The following HDAC4 variants were observed in gnomAD, a reference collection of about 807,000 sequenced individuals.
The protein encoded by HDAC4 is histone deacetylase 4, also known as histone deacetylase A.
In HDAC4, 16 loss-of-function variants were observed where a neutral mutation model predicts 135.1. The ratio of observed to expected loss-of-function variants is 0.12; its 90% CI spans 0.08 to 0.18. The LOEUF is 0.18. HDAC4 is among the 10% of genes least tolerant of loss of function. The probability of loss-of-function intolerance (pLI) is 1.00; values close to 1 mark genes in which losing one functional copy is unlikely to be tolerated. For missense variants in HDAC4, 1,143 were observed against 1,511.8 expected, an observed-to-expected ratio of 0.76 and a Z score of 4.05; for synonymous variants, 685 against 653.4, an observed-to-expected ratio of 1.05 and a Z score of -0.74.
intron 12 of HDAC4, among the ~76,000 whole-genome samples, chr2:239,124,844 C>T (rs77012380): frequency 4.1e-4 from 55 of 134,474 alleles, no homozygotes; most frequent in South Asian, 7.4e-4. Context: ...CGTGCGGCCG[C>T]GTTATATGAC....
intron 10 of HDAC4, 27 bp from the exon 11 acceptor site, chr2:239,134,470 G>A (rs375358735): frequency 5.3e-5 from 86 of 1,613,624 alleles, no homozygotes; most frequent in Non-Finnish European, 7.1e-5. Context: ...GGATGCTCGG[G>A]TGGAAGGACC....
At chr2:239,131,702 G>C (rs2040597305) in intron 11 of HDAC4, among the ~76,000 whole-genome samples, 1 of 152,238 alleles carries the variant, frequency 6.6e-6, no homozygotes, top group Non-Finnish European at 1.5e-5. Flanking sequence ...CTGCTCACAA[G>C]CTGGGACTTC....
At chr2:239,233,819 C>T (rs2047735582) in intron 3 of HDAC4, among the ~76,000 whole-genome samples, 1 of 152,228 alleles carries the variant, frequency 6.6e-6, no homozygotes, top group Non-Finnish European at 1.5e-5. Flanking sequence ...CGAGCTCTCA[C>T]AGTGACTGCT....
rs775488590 is a variant in HDAC4, at chr2:239,095,060, TG to T, written c.2234-5del. On this transcript the variant is annotated splice_region_variant and splice_polypyrimidine_tract_variant and intron_variant, in intron 16 of 26. Transcript: ENST00000543185. The stretch of plus-strand genomic sequence containing the variant: ...ACGAACACGGAGGCGAGCGAGCCTG[TG>T]GGGGGGAGGGAGACGGTCAGAGAGG... 6 of 1,613,164 alleles carry T rather than the reference TG, an allele frequency of 3.7e-6. No homozygotes were observed. Among genetic ancestry groups the T allele is most frequent in the Non-Finnish European group, 4.2e-6 (5 of 1,179,644 alleles).
chr2:239,269,004 G>A (rs966875978), intron 2 of HDAC4, among the ~76,000 whole-genome samples: 3 of 152,282 alleles, frequency 2.0e-5, no homozygotes, highest in African/African-American at 4.8e-5. Context: ...TGAGCTTCCA[G>A]CGGCTTGATT....
At chr2:239,274,449 C>A (rs557811638) in intron 2 of HDAC4, among the ~76,000 whole-genome samples, 1 of 152,294 alleles carries the variant, frequency 6.6e-6, no homozygotes, top group South Asian at 2.1e-4. Flanking sequence ...GTATGGGCCC[C>A]CGCAAGAGAT....
intron 13 of HDAC4, among the ~76,000 whole-genome samples, chr2:239,114,363 G>A (rs1023627255): frequency 6.6e-6 from 1 of 152,170 alleles, no homozygotes; most frequent in African/African-American, 2.4e-5. Flanking sequence ...GTGGTTCCTC[G>A]GACTGGCTTC....
intron 24 of HDAC4, among the ~76,000 whole-genome samples, chr2:239,057,435 A>T (rs1331725127): frequency 6.6e-6 from 1 of 152,202 alleles, no homozygotes; most frequent in Non-Finnish European, 1.5e-5. Flanking sequence ...GGGGCAAAAA[A>T]ACCCAGGAAT....
intron 23 of HDAC4, among the ~76,000 whole-genome samples, chr2:239,067,988 G>A (rs2033740478): frequency 6.6e-6 from 1 of 152,198 alleles, no homozygotes; most frequent in African/African-American, 2.4e-5. Flanking sequence ...CACAGCAGGA[G>A]CACTGCTGGG....
chr2:239,052,822 CAG>C lies in HDAC4; in HGVS notation c.*273_*274del, dbSNP rs2031071177. ...CCACGGCGTCCCTTGCGGGACCCGC[CAG>C]AGTGTGCTTGGCTTCCGCGTGTCCG... is the stretch of plus-strand genomic sequence containing the variant. On this transcript the variant is annotated 3_prime_UTR_variant, in exon 27 of 27. Transcript: ENST00000543185. 3 of 505,134 alleles carry C rather than the reference CAG, an allele frequency of 5.9e-6. No individual in the cohort carries two copies. The highest frequency in any genetic ancestry group is 2.6e-5 in the South Asian group (1 of 38,618). The allele number at this position is 505,134 out of a possible 1,614,324, so 31.3% of individuals were successfully genotyped here. A position where few individuals can be genotyped will look rare whatever the true frequency, so the allele number is the denominator to read the frequency against.
At chr2:239,066,324 G>A (rs1273376790) in intron 24 of HDAC4, among the ~76,000 whole-genome samples, 2 of 152,176 alleles carry the variant, frequency 1.3e-5, no homozygotes, top group Admixed American at 6.5e-5. Context: ...GCCACTGACC[G>A]AAACCCACAT....
At chr2:239,365,090 A>T (rs1694103443) in intron 1 of HDAC4, among the ~76,000 whole-genome samples, 1 of 152,232 alleles carries the variant, frequency 6.6e-6, no homozygotes, top group African/African-American at 2.4e-5. Context: ...ATTGAAATAA[A>T]TTTTAAGCTT....
At chr2:239,150,282 C>T (rs1286419799) in intron 7 of HDAC4, among the ~76,000 whole-genome samples, 1 of 151,872 alleles carries the variant, frequency 6.6e-6, no homozygotes, top group African/African-American at 2.4e-5. Context: ...AACATAGATA[C>T]ACACACAGGT....
chr2:239,326,157 G>A (rs1211587138), intron 2 of HDAC4, among the ~76,000 whole-genome samples: 3 of 152,100 alleles, frequency 2.0e-5, no homozygotes, highest in African/African-American at 7.2e-5. Context: ...AAGATGTGAT[G>A]TATGCACACA....
intron 2 of HDAC4, among the ~76,000 whole-genome samples, chr2:239,302,148 C>T (rs1280059867): frequency 6.6e-6 from 1 of 152,140 alleles, no homozygotes; most frequent in Non-Finnish European, 1.5e-5. Context: ...CTGTCAAGAA[C>T]AGAAAACCTA....
chr2:239,157,952 G>T (rs1265374531), intron 6 of HDAC4, among the ~76,000 whole-genome samples: 1 of 152,178 alleles, frequency 6.6e-6, no homozygotes, highest in Non-Finnish European at 1.5e-5. Flanking sequence ...CACAGCTTCA[G>T]GCCACGCCCC....
At position 239,049,058 on chromosome 2, in the gene HDAC4, A is replaced by T. The variant is rs140265982; in HGVS notation, c.*4039T>A. ...TCCTCCAAATCAACTCGAGAGAGAC[A>T]GGCAGTTCACTGTGAATTCTGAGTA... is the stretch of plus-strand genomic sequence containing the variant. On this transcript the variant is annotated 3_prime_UTR_variant, in exon 27 of 27. Coordinates refer to ENST00000543185, the MANE Select transcript of HDAC4 (RefSeq NM_001378414.1). 8 of 152,384 alleles carry T rather than the reference A, an allele frequency of 5.2e-5. No individual in the cohort carries two copies. The East Asian group carries it at 1.5e-3, about 29-fold the overall frequency. 9.4% of individuals were successfully genotyped at this position (152,384 alleles called of 1,614,324 possible). A position where few individuals can be genotyped will look rare whatever the true frequency, so the allele number is the denominator to read the frequency against.
chr2:239,173,435 C>T (rs1057437441), intron 5 of HDAC4, among the ~76,000 whole-genome samples: 10 of 152,132 alleles, frequency 6.6e-5, no homozygotes, highest in African/African-American at 1.9e-4. Flanking sequence ...GCTGAAACAG[C>T]ACCTGACAAA....
intron 1 of HDAC4, among the ~76,000 whole-genome samples, chr2:239,370,844 G>A (rs1250672097): frequency 3.3e-5 from 5 of 152,186 alleles, no homozygotes; most frequent in East Asian, 3.8e-4. Flanking sequence ...CTTTAAGAAC[G>A]TTCCTGGGAT....
Sources: allele counts gnomAD v4.1 joint callset (sites outside exome capture counted in the v4.1 genomes callset), GRCh38; gene constraint gnomAD v4.1.1; transcripts MANE v1.5; gene names NCBI Gene and HGNC (gene_info 2026-07-23, HGNC 2026-07-21).